Variants in ATP5MC2 observed in about 807,000 individuals in gnomAD.
ATP5MC2 encodes ATP synthase membrane subunit c locus 2.
A neutral mutation model predicts 13.5 loss-of-function variants in ATP5MC2; 11 were observed. The ratio of observed to expected loss-of-function variants is 0.81; its 90% CI spans 0.51 to 1.35. ATP5MC2 has a LOEUF of 1.35. Ranked by LOEUF, ATP5MC2 falls within the 40% of genes most tolerant of loss-of-function variation. The pLI, the probability that ATP5MC2 is intolerant of heterozygous loss-of-function variation, is 0.00. For missense variants in ATP5MC2, 132 were observed against 175.0 expected (o/e 0.75, Z 1.39); for synonymous variants, 64 against 69.7 (o/e 0.92, Z 0.41).
At chr12:53,676,165 T>C (rs1945266775), upstream of ATP5MC2, 2 of 1,614,096 alleles carry the variant, frequency 1.2e-6, no homozygotes, top group African/African-American at 1.3e-5. Context: ...GATAGAGTGA[T>C]TGCAACATAC....
chr12:53,676,150 C>A (rs1945266020), upstream of ATP5MC2: 1 of 1,614,234 alleles, frequency 6.2e-7, no homozygotes, highest in Non-Finnish European at 8.5e-7. Flanking sequence ...AGTCGCTCAG[C>A]CACGGATAGA....
chr12:53,666,667 A>G (rs11170639), intron 4 of ATP5MC2, among the ~76,000 whole-genome samples: 44,148 of 150,082 alleles, frequency 0.29, 6,540 homozygotes, highest in East Asian at 0.37. Flanking sequence ...GGCTGAGGCA[A>G]GAGAATTGCT....
chr12:53,675,159 G>A (rs1945227452), intron 1 of ATP5MC2, among the ~76,000 whole-genome samples: 1 of 152,242 alleles, frequency 6.6e-6, no homozygotes, highest in Middle Eastern at 3.4e-3. Flanking sequence ...AAATCATCAC[G>A]GGCTTTTTCC....
chr12:53,667,142 CTTGT>C (rs1177934973), intron 4 of ATP5MC2, among the ~76,000 whole-genome samples: 1 of 152,152 alleles, frequency 6.6e-6, no homozygotes, highest in Non-Finnish European at 1.5e-5. Context: ...AGTCAGACTT[CTTGT>C]TTAATACAAA....
chr12:53,672,187 G>A (rs1945119236), intron 2 of ATP5MC2, among the ~76,000 whole-genome samples: 1 of 151,582 alleles, frequency 6.6e-6, no homozygotes, highest in Admixed American at 6.6e-5. Context: ...ATAGCAGAGG[G>A]CCTTCCCTCC....
chr12:53,672,892 G>C lies in ATP5MC2; in HGVS notation c.-31-247C>G, dbSNP rs1314456615. The C allele has an allele frequency of 2.7e-5, 12 of 441,642 alleles. No homozygotes were observed. The East Asian group carries it at 4.7e-4, about 17-fold the overall frequency. 27.4% of individuals were successfully genotyped at this position (441,642 alleles called of 1,614,324 possible). The stretch of plus-strand genomic sequence containing the variant: ...CAAGTGAACACTTGGGTTCAGGTAA[G>C]ACCTGTTACCCATTTCCATAGCCTC... On this transcript the variant is annotated intron_variant, in intron 1 of 4. Coordinates refer to ENST00000394349, the MANE Select transcript of ATP5MC2 (RefSeq NM_005176.7).
chr12:53,665,469 C>T (rs1343648158), intron 4 of ATP5MC2, 41 bp from the exon 5 acceptor site: 2 of 1,485,214 alleles, frequency 1.3e-6, no homozygotes, highest in East Asian at 2.3e-5. Context: ...TTCTAGTTCA[C>T]ACAAAGAAAA....
intron 2 of ATP5MC2, among the ~76,000 whole-genome samples, chr12:53,670,526 G>A (rs1945065116): frequency 6.6e-6 from 1 of 152,180 alleles, no homozygotes; most frequent in South Asian, 2.1e-4. Context: ...GGAGCTGTGG[G>A]TTCCTGCTGA....
At chr12:53,676,357 C>CTG, upstream of ATP5MC2, 1 of 994,928 alleles carries the variant, frequency 1.0e-6, no homozygotes, top group Non-Finnish European at 1.4e-6. Flanking sequence ...CGTTTGGGAT[C>CTG]TCGGACTTGC....
intron 4 of ATP5MC2, among the ~76,000 whole-genome samples, chr12:53,666,760 A>AC (rs1944925630): frequency 6.7e-6 from 1 of 148,174 alleles, no homozygotes; most frequent in African/African-American, 2.5e-5. Flanking sequence ...ACTCTGTCTC[A>AC]AAAAAATAAA....
chr12:53,672,126 A>G (rs1945116847), intron 2 of ATP5MC2, among the ~76,000 whole-genome samples: 1 of 148,874 alleles, frequency 6.7e-6, no homozygotes, highest in Non-Finnish European at 1.5e-5. Flanking sequence ...GCCAAGGGAT[A>G]TGGGGCAGGA....
At chr12:53,676,520 C>A, upstream of ATP5MC2, 1 of 247,120 alleles carries the variant, frequency 4.0e-6, no homozygotes, top group Non-Finnish European at 7.9e-6. Context: ...CGCCGGGACT[C>A]TGGCATCACT....
At chr12:53,672,083 C>CCAAAAAAAAAAAAAAAA (rs1945110526) in intron 2 of ATP5MC2, among the ~76,000 whole-genome samples, 2 of 47,186 alleles carry the variant, frequency 4.2e-5, no homozygotes, top group Admixed American at 5.4e-4. Context: ...AACTCTGTCT[C>CCAAAAAAAAAAAAAAAA]AAAAAAAAAA....
intron 4 of ATP5MC2, 53 bp downstream of exon 4, chr12:53,669,095 C>T (rs1481257742): frequency 1.2e-5 from 18 of 1,543,652 alleles, no homozygotes; most frequent in Non-Finnish European, 1.6e-5. Context: ...CAAATATTTT[C>T]TGACCTTTGG....
chr12:53,667,950 CACACACATAT>C (rs1162602844), intron 4 of ATP5MC2, among the ~76,000 whole-genome samples: 18 of 37,264 alleles, frequency 4.8e-4, no homozygotes, highest in East Asian at 6.6e-3. Flanking sequence ...TACATACATA[CACACACATAT>C]ATATATATAT....
At chr12:53,676,337 G>T, upstream of ATP5MC2, 1 of 1,257,398 alleles carries the variant, frequency 8.0e-7, no homozygotes, top group Non-Finnish European at 1.1e-6. Context: ...CTGCGGTTTG[G>T]TCTGTACCGC....
At chr12:53,676,327 C>CTGCG, upstream of ATP5MC2, 1 of 1,383,668 alleles carries the variant, frequency 7.2e-7, no homozygotes. Flanking sequence ...GTAACGTGGA[C>CTGCG]TGCGGTTTGG....
At chr12:53,666,602 A>T (rs1163775562) in intron 4 of ATP5MC2, among the ~76,000 whole-genome samples, 1 of 150,892 alleles carries the variant, frequency 6.6e-6, no homozygotes, top group Non-Finnish European at 1.5e-5. Context: ...AAGAAAAAAA[A>T]TACAAAAATT....
intron 3 of ATP5MC2, among the ~76,000 whole-genome samples, chr12:53,669,547 G>A (rs1254262499): frequency 1.3e-5 from 2 of 152,178 alleles, no homozygotes; most frequent in African/African-American, 2.4e-5. Flanking sequence ...AGAAGTGTAA[G>A]ACTGAGGCCC....
Sources: allele counts gnomAD v4.1 joint callset (sites outside exome capture counted in the v4.1 genomes callset), GRCh38; gene constraint gnomAD v4.1.1; transcripts MANE v1.5; gene names NCBI Gene and HGNC (gene_info 2026-07-23, HGNC 2026-07-21).